The following MTFR1 variants were observed in gnomAD, a reference collection of about 807,000 sequenced individuals.
MTFR1 encodes mitochondrial fission regulator 1.
A neutral mutation model predicts 38.8 loss-of-function variants in MTFR1; 28 were observed. The ratio of observed to expected loss-of-function variants is 0.72; its 90% confidence interval spans 0.53 to 0.99. The LOEUF is 0.99. Among genes scored for constraint, MTFR1 ranks in the 50% least tolerant of loss-of-function variants. The pLI, the probability that MTFR1 is intolerant of heterozygous loss-of-function variation, is 0.00. For missense variants in MTFR1, 358 were observed against 395.5 expected (o/e 0.91, Z 0.81); for synonymous variants, 145 against 137.0 (o/e 1.06, Z -0.41).
chr8:65,689,434 G>A lies in MTFR1; in HGVS notation c.166-4210G>A, dbSNP rs77405777. ...AATATTTTAAATTAAAGTTGCTTCA[G>A]TAAGATTTCTAAAATAAAATTGAAT... On this transcript the variant is annotated intron_variant, in intron 3 of 7. Coordinates refer to ENST00000262146, the MANE Select transcript of MTFR1 (RefSeq NM_014637.4). 9.4e-3 allele frequency: 3,661 copies of A among 389,086 alleles called. 122 individuals are homozygous for A. The highest frequency in any genetic ancestry group is 0.071 in the African/African-American group (3,384 of 47,398). 24.1% of individuals were successfully genotyped at this position (389,086 alleles called of 1,614,324 possible).
intron 4 of MTFR1, among the ~76,000 whole-genome samples, chr8:65,702,712 G>A (rs1340696478): frequency 6.6e-6 from 1 of 152,058 alleles, no homozygotes; most frequent in Non-Finnish European, 1.5e-5. Flanking sequence ...TGGGAATAGG[G>A]CACATCTAAT....
At chr8:65,747,524 TG>T in intron 3 of MTFR1, 1 of 529,366 alleles carries the variant, frequency 1.9e-6, no homozygotes, top group Non-Finnish European at 3.1e-6. Flanking sequence ...GAAAAAAACC[TG>T]GAAAATAGGC....
At chr8:65,753,984 G>A (rs1389820831) in intron 3 of MTFR1, among the ~76,000 whole-genome samples, 1 of 151,812 alleles carries the variant, frequency 6.6e-6, no homozygotes. Flanking sequence ...TTATATTAGG[G>A]TTCTCTAGAT....
At chr8:65,719,703 A>G in intron 3 of MTFR1, 1 of 562,004 alleles carries the variant, frequency 1.8e-6, no homozygotes, top group African/African-American at 1.9e-5. Context: ...CTCAATGGAA[A>G]TTTGAGTAAA....
chr8:65,742,182 A>G (rs1347421865), intron 3 of MTFR1, among the ~76,000 whole-genome samples: 1 of 152,254 alleles, frequency 6.6e-6, no homozygotes, highest in Non-Finnish European at 1.5e-5. Context: ...TAGAAAAGCT[A>G]CCCACATAAA....
intron 3 of MTFR1, among the ~76,000 whole-genome samples, chr8:65,684,522 A>G (rs1270525985): frequency 6.6e-6 from 1 of 151,152 alleles, no homozygotes; most frequent in African/African-American, 2.4e-5. Context: ...AGTAGCTGGG[A>G]TTACAGGCAT....
intron 1 of MTFR1, among the ~76,000 whole-genome samples, chr8:65,649,820 T>C (rs1408121679): frequency 1.5e-5 from 2 of 132,510 alleles, no homozygotes; most frequent in Non-Finnish European, 1.6e-5. Context: ...TTGCAGCACC[T>C]GATAACCATC....
At chr8:65,649,574 G>A (rs1010637837) in intron 1 of MTFR1, among the ~76,000 whole-genome samples, 1 of 152,116 alleles carries the variant, frequency 6.6e-6, no homozygotes, top group African/African-American at 2.4e-5. Context: ...CATATAATGT[G>A]TAATAATCAC....
intron 1 of MTFR1, among the ~76,000 whole-genome samples, chr8:65,664,601 T>C (rs898036027): frequency 6.6e-6 from 1 of 151,634 alleles, no homozygotes; most frequent in African/African-American, 2.4e-5. Flanking sequence ...AAATGATAGG[T>C]TTTCCTTTGT....
At chr8:65,664,711 C>G (rs1056520620) in intron 1 of MTFR1, among the ~76,000 whole-genome samples, 1 of 151,308 alleles carries the variant, frequency 6.6e-6, no homozygotes, top group African/African-American at 2.4e-5. Flanking sequence ...ATTCTCCTGC[C>G]TCAGCCTCCC....
At chr8:65,703,939 C>A (rs550774296) in intron 4 of MTFR1, among the ~76,000 whole-genome samples, 3 of 152,098 alleles carry the variant, frequency 2.0e-5, no homozygotes, top group African/African-American at 7.2e-5. Context: ...TAACGCAGGG[C>A]TCGGTGGCTC....
At chr8:65,729,778 A>T (rs1448099239) in intron 3 of MTFR1, among the ~76,000 whole-genome samples, 1 of 150,964 alleles carries the variant, frequency 6.6e-6, no homozygotes, top group African/African-American at 2.4e-5. Context: ...CATGTTGGCC[A>T]GGCTGGTCTC....
At chr8:65,737,235 T>C (rs913978733) in intron 3 of MTFR1, among the ~76,000 whole-genome samples, 1 of 152,130 alleles carries the variant, frequency 6.6e-6, no homozygotes, top group African/African-American at 2.4e-5. Context: ...GGATTCCTTA[T>C]GGCTTTAAGG....
intron 3 of MTFR1, among the ~76,000 whole-genome samples, chr8:65,761,857 C>T (rs1159477210): frequency 6.6e-6 from 1 of 152,188 alleles, no homozygotes; most frequent in African/African-American, 2.4e-5. Context: ...AGGAAACAAG[C>T]GCTGAAGAAC....
chr8:65,712,289 G>C (rs1042644288), downstream of MTFR1, among the ~76,000 whole-genome samples: 1 of 152,132 alleles, frequency 6.6e-6, no homozygotes, highest in African/African-American at 2.4e-5. Flanking sequence ...CACTGACCGC[G>C]GGGGCTGAGC....
intron 3 of MTFR1, among the ~76,000 whole-genome samples, chr8:65,757,873 T>C (rs1808310897): frequency 6.6e-6 from 1 of 152,220 alleles, no homozygotes; most frequent in Non-Finnish European, 1.5e-5. Context: ...CGCCTTGGCC[T>C]CCCAAAGTGC....
chr8:65,739,263 A>G (rs1234694725), intron 3 of MTFR1, among the ~76,000 whole-genome samples: 1 of 152,222 alleles, frequency 6.6e-6, no homozygotes, highest in African/African-American at 2.4e-5. Flanking sequence ...TACAAAACCA[A>G]CATGCAGCCC....
chr8:65,645,110 TCTTTCGGA>T, intron 1 of MTFR1, among the ~76,000 whole-genome samples: 7 of 152,112 alleles, frequency 4.6e-5, no homozygotes, highest in African/African-American at 1.7e-4. Flanking sequence ...CTTCGGTCCA[TCTTTCGGA>T]CCCCCGGTTC....
intron 1 of MTFR1, among the ~76,000 whole-genome samples, chr8:65,652,216 C>T (rs771016992): frequency 3.9e-5 from 6 of 152,092 alleles, no homozygotes; most frequent in African/African-American, 9.7e-5. Context: ...AAGCAACTCT[C>T]GTACCTCAAC....
Sources: gnomAD v4.1 joint callset for allele counts (sites outside exome capture counted in the v4.1 genomes callset) on GRCh38, gnomAD v4.1.1 for gene constraint, MANE v1.5 for transcripts, NCBI Gene and HGNC (gene_info 2026-07-23, HGNC 2026-07-21) for gene names.